CSTF3: variants seen among roughly 807,000 people sequenced by gnomAD.
The protein encoded by CSTF3 is CF-1 77 kDa subunit.
In CSTF3, 29 loss-of-function variants were observed where a neutral mutation model predicts 105.8. The ratio of observed to expected loss-of-function variants is 0.27; its 90% CI spans 0.20 to 0.37. CSTF3 has a LOEUF of 0.37. Ranked by LOEUF, CSTF3 falls within the 10% of genes least tolerant of loss-of-function variation. The probability of loss-of-function intolerance (pLI) is 1.00; values close to 1 mark genes in which losing one functional copy is unlikely to be tolerated. For missense variants in CSTF3, 357 were observed against 879.3 expected (o/e 0.41, Z 7.51); for synonymous variants, 252 against 281.9 (o/e 0.89, Z 1.06).
At chr11:33,092,847 C>G (rs1855183057) in intron 15 of CSTF3, among the ~76,000 whole-genome samples, 1 of 152,068 alleles carries the variant, frequency 6.6e-6, no homozygotes, top group Non-Finnish European at 1.5e-5. Context: ...TCTAGGTTGG[C>G]AGGTAACTAT....
intron 3 of CSTF3, among the ~76,000 whole-genome samples, chr11:33,110,441 C>G (rs1337149098): frequency 6.6e-6 from 1 of 152,160 alleles, no homozygotes; most frequent in East Asian, 1.9e-4. Context: ...CTCTACTGGG[C>G]CTCTTCTTTG....
At chr11:33,121,506 A>G (rs1467755422) in intron 3 of CSTF3, among the ~76,000 whole-genome samples, 6 of 152,112 alleles carry the variant, frequency 3.9e-5, no homozygotes, top group Non-Finnish European at 8.8e-5. Context: ...TTTGTATTTC[A>G]TTTTACCTCC....
At chr11:33,114,060 C>A (rs1265861629) in intron 3 of CSTF3, among the ~76,000 whole-genome samples, 1 of 152,164 alleles carries the variant, frequency 6.6e-6, no homozygotes, top group Non-Finnish European at 1.5e-5. Flanking sequence ...TCTTTTGGAA[C>A]TAAAACTATC....
At chr11:33,148,145 T>C (rs1855807145) in intron 1 of CSTF3, among the ~76,000 whole-genome samples, 1 of 152,188 alleles carries the variant, frequency 6.6e-6, no homozygotes, top group Non-Finnish European at 1.5e-5. Flanking sequence ...AGAGACCAAC[T>C]GAAGAGCATA....
At chr11:33,147,628 G>A (rs762316786) in intron 1 of CSTF3, among the ~76,000 whole-genome samples, 67 of 151,604 alleles carry the variant, frequency 4.4e-4, no homozygotes, top group Non-Finnish European at 8.0e-4. Context: ...TTGAGATACC[G>A]ACTATAAAAT....
intron 14 of CSTF3, 149 bp downstream of exon 14, chr11:33,096,686 G>A (rs1734044512): frequency 1.4e-6 from 1 of 706,540 alleles, no homozygotes; most frequent in African/African-American, 1.8e-5. Flanking sequence ...TTTGGATGAT[G>A]CTCCATAAAA....
At chr11:33,114,642 G>A (rs771136446) in intron 3 of CSTF3, among the ~76,000 whole-genome samples, 3 of 152,076 alleles carry the variant, frequency 2.0e-5, no homozygotes, top group Admixed American at 6.6e-5. Context: ...CCTGAGGTCC[G>A]GAGTTCGAGA....
chr11:33,153,370 C>T (rs150846562), intron 1 of CSTF3, among the ~76,000 whole-genome samples: 2 of 152,282 alleles, frequency 1.3e-5, no homozygotes, highest in East Asian at 3.9e-4. Context: ...TTTATTGAAA[C>T]TCCTAACCAC....
rs1855228865 is a variant in CSTF3 at position 33,096,986 on chromosome 11, A to T, written c.1129-8T>A. The T allele has an allele frequency of 6.3e-7, 1 of 1,586,496 alleles. No homozygotes were observed. The highest frequency in any genetic ancestry group is 8.6e-7 in the Non-Finnish European group (1 of 1,160,046). The stretch of plus-strand genomic sequence containing the variant: ...CATATATTGGATATATACCTATGCA[A>T]AAGAAAGTATTTGTGTTCTATAAAT... On this transcript the variant is annotated splice_polypyrimidine_tract_variant and splice_region_variant and intron_variant, in intron 13 of 20. Coordinates refer to ENST00000323959, the MANE Select transcript of CSTF3 (RefSeq NM_001326.3).
At chr11:33,151,468 G>A (rs990958898) in intron 1 of CSTF3, among the ~76,000 whole-genome samples, 4 of 152,086 alleles carry the variant, frequency 2.6e-5, no homozygotes, top group African/African-American at 7.2e-5. Flanking sequence ...TTACCACCGT[G>A]AGCCACCATG....
chr11:33,146,237 C>T (rs1474887930), intron 1 of CSTF3, among the ~76,000 whole-genome samples: 1 of 150,480 alleles, frequency 6.6e-6, no homozygotes, highest in Admixed American at 6.6e-5. Flanking sequence ...AGCAAGACTC[C>T]GTCTCAAAAA....
At chr11:33,118,438 T>G (rs1247073431) in intron 3 of CSTF3, among the ~76,000 whole-genome samples, 1 of 151,918 alleles carries the variant, frequency 6.6e-6, no homozygotes, top group East Asian at 1.9e-4. Context: ...GTCAACAGCA[T>G]GCCAAACATT....
At chr11:33,108,877 C>T (rs1322320246) in intron 3 of CSTF3, among the ~76,000 whole-genome samples, 3 of 152,100 alleles carry the variant, frequency 2.0e-5, no homozygotes, top group Non-Finnish European at 4.4e-5. Context: ...TTGTGCTAGG[C>T]GTGGGGGCTA....
chr11:33,132,845 T>C (rs915689608), intron 3 of CSTF3, among the ~76,000 whole-genome samples: 1 of 152,168 alleles, frequency 6.6e-6, no homozygotes, highest in Non-Finnish European at 1.5e-5. Flanking sequence ...GATGGCATTA[T>C]TTTTAAAATA....
intron 3 of CSTF3, among the ~76,000 whole-genome samples, chr11:33,128,078 A>C (rs372428865): frequency 6.6e-5 from 10 of 152,312 alleles, no homozygotes; most frequent in African/African-American, 2.4e-4. Context: ...AGACGCTGGC[A>C]ATGTGGTATC....
At chr11:33,103,379 G>A (rs1313109712) in intron 8 of CSTF3, among the ~76,000 whole-genome samples, 195 bp from the exon 9 acceptor site, 1 of 152,148 alleles carries the variant, frequency 6.6e-6, no homozygotes, top group Non-Finnish European at 1.5e-5. Flanking sequence ...GATCAAGGAG[G>A]ATGTGCTTAT....
chr11:33,116,920 C>CT (rs992534370), intron 3 of CSTF3, among the ~76,000 whole-genome samples: 2,056 of 141,396 alleles, frequency 0.015, 99 homozygotes, highest in Admixed American at 0.11. Flanking sequence ...GAACAACAGA[C>CT]TTTTTTTTTT....
Position 33,136,868 on chromosome 11 carries a change from C to T in CSTF3, c.225+4799G>A, listed in dbSNP as rs993709251. Among the ~76,000 whole-genome samples the T allele has an allele frequency of 1.1e-4, 16 of 151,922 alleles. No individual in the cohort carries two copies. The East Asian group carries it at 3.1e-3, about 29-fold the overall frequency. On this transcript the variant is annotated intron_variant, in intron 3 of 20. Transcript: ENST00000323959. ...TGACTATAATACCCAATATTTTTAA[C>T]AACTAAGTATTAGGTATTACATATT... is the stretch of plus-strand genomic sequence containing the variant.
At chr11:33,087,951 T>A (rs1233040721) in intron 17 of CSTF3, among the ~76,000 whole-genome samples, 1 of 152,080 alleles carries the variant, frequency 6.6e-6, no homozygotes, top group Non-Finnish European at 1.5e-5. Context: ...TCAGAGGAGC[T>A]CCTCTGCTCC....
Sources: allele counts gnomAD v4.1 joint callset (sites outside exome capture counted in the v4.1 genomes callset), GRCh38; gene constraint gnomAD v4.1.1; transcripts MANE v1.5; gene names NCBI Gene and HGNC (gene_info 2026-07-23, HGNC 2026-07-21).